The following GRID1 variants were observed in gnomAD, a reference collection of about 807,000 sequenced individuals.
GRID1 encodes glutamate receptor ionotropic, delta-1.
GRID1 carries 28 observed loss-of-function variants against 98.0 expected under a neutral mutation model. That is an observed-to-expected ratio of 0.29 (90% CI 0.21 to 0.39). The LOEUF (loss-of-function observed/expected upper bound fraction) is 0.39. Ranked by LOEUF, GRID1 falls within the 10% of genes least tolerant of loss-of-function variation. The probability of loss-of-function intolerance (pLI) is 1.00; values close to 1 mark genes in which losing one functional copy is unlikely to be tolerated. For synonymous variants in GRID1, 553 were observed against 538.5 expected, an observed-to-expected ratio of 1.03 and a Z score of -0.37; for missense variants, 1,111 against 1,340.5, an observed-to-expected ratio of 0.83 and a Z score of 2.67.
chr10:85,996,496 GAATC>G (rs1333203480), intron 4 of GRID1, among the ~76,000 whole-genome samples: 1 of 152,076 alleles, frequency 6.6e-6, no homozygotes, highest in Non-Finnish European at 1.5e-5. Flanking sequence ...ACAGAGGAAA[GAATC>G]AATAAACTTG....
intron 2 of GRID1, among the ~76,000 whole-genome samples, chr10:86,332,647 C>A (rs1848163567): frequency 6.6e-6 from 1 of 152,174 alleles, no homozygotes; most frequent in Non-Finnish European, 1.5e-5. Context: ...GGCTTCCTTC[C>A]CTGCCTTCCC....
chr10:85,937,209 T>C (rs1841938583), intron 4 of GRID1, among the ~76,000 whole-genome samples: 1 of 152,182 alleles, frequency 6.6e-6, no homozygotes, highest in Admixed American at 6.5e-5. Flanking sequence ...GGACAAGCAT[T>C]AGTACTTCTA....
At chr10:85,975,012 C>T (rs1368024636) in intron 4 of GRID1, among the ~76,000 whole-genome samples, 3 of 152,184 alleles carry the variant, frequency 2.0e-5, no homozygotes, top group African/African-American at 7.2e-5. Context: ...AATTGCCCTG[C>T]TTAAAATTCT....
chr10:86,157,070 T>C (rs1280608153), intron 3 of GRID1, among the ~76,000 whole-genome samples: 2 of 152,032 alleles, frequency 1.3e-5, no homozygotes, highest in African/African-American at 4.8e-5. Context: ...CTTGGAGGCT[T>C]CCAAACAGGA....
At chr10:85,776,102 G>A (rs1842328263) in intron 8 of GRID1, among the ~76,000 whole-genome samples, 1 of 152,072 alleles carries the variant, frequency 6.6e-6, no homozygotes, top group South Asian at 2.1e-4. Context: ...AGAGACTTGG[G>A]TTTGTGTCCC....
chr10:85,979,397 A>C (rs1037355675), intron 4 of GRID1, among the ~76,000 whole-genome samples: 7 of 152,154 alleles, frequency 4.6e-5, no homozygotes, highest in African/African-American at 7.2e-5. Flanking sequence ...TAGATCAAAC[A>C]ACACAAATGT....
intron 6 of GRID1, among the ~76,000 whole-genome samples, chr10:85,868,403 G>A (rs905180791): frequency 2.0e-5 from 3 of 152,146 alleles, no homozygotes; most frequent in African/African-American, 7.2e-5. Flanking sequence ...CCCAAGACAA[G>A]CTAGTGCCGA....
At chr10:85,852,893 C>T (rs756676586) in intron 8 of GRID1, among the ~76,000 whole-genome samples, 7 of 152,168 alleles carry the variant, frequency 4.6e-5, no homozygotes, top group Non-Finnish European at 8.8e-5. Flanking sequence ...TAGTTGCTAG[C>T]CGACTCCCTC....
intron 2 of GRID1, among the ~76,000 whole-genome samples, chr10:86,339,875 G>A (rs1848285465): frequency 6.6e-6 from 1 of 152,238 alleles, no homozygotes; most frequent in African/African-American, 2.4e-5. Flanking sequence ...ACTTGGGATA[G>A]AGGTGAACGA....
intron 8 of GRID1, among the ~76,000 whole-genome samples, chr10:85,819,583 T>C (rs1842744246): frequency 6.6e-6 from 1 of 152,172 alleles, no homozygotes; most frequent in African/African-American, 2.4e-5. Context: ...GGTGGTGTTC[T>C]TCCCCAAAAT....
At chr10:85,904,715 T>TAA (rs544729989) in intron 5 of GRID1, among the ~76,000 whole-genome samples, 2 of 140,394 alleles carry the variant, frequency 1.4e-5, no homozygotes, top group East Asian at 2.0e-4. Flanking sequence ...TGTATGAAAT[T>TAA]AAAAAAAAAA....
intron 2 of GRID1, among the ~76,000 whole-genome samples, chr10:86,282,563 G>A (rs1847371599): frequency 6.6e-6 from 1 of 152,188 alleles, no homozygotes; most frequent in Non-Finnish European, 1.5e-5. Flanking sequence ...GGGCTGTACT[G>A]GAGCAAGTTT....
At chr10:86,011,785 A>G (rs1204179936) in intron 4 of GRID1, among the ~76,000 whole-genome samples, 3 of 152,204 alleles carry the variant, frequency 2.0e-5, no homozygotes, top group Admixed American at 6.5e-5. Flanking sequence ...ACAGTGATGA[A>G]CTCTAAATGA....
At chr10:86,194,790 A>G (rs1166633826) in intron 3 of GRID1, among the ~76,000 whole-genome samples, 3 of 151,762 alleles carry the variant, frequency 2.0e-5, no homozygotes, top group African/African-American at 7.3e-5. Context: ...TCCTCACCCC[A>G]ACAGGACTGC....
At chr10:86,126,015 T>G (rs1564682726) in intron 4 of GRID1, among the ~76,000 whole-genome samples, 1 of 152,172 alleles carries the variant, frequency 6.6e-6, no homozygotes, top group African/African-American at 2.4e-5. Flanking sequence ...TTTGACTGCA[T>G]GGGGGGTTGG....
At chr10:85,932,600 C>G (rs1478425644) in intron 4 of GRID1, among the ~76,000 whole-genome samples, 1 of 152,216 alleles carries the variant, frequency 6.6e-6, no homozygotes, top group Admixed American at 6.5e-5. Context: ...ATTTGCAACA[C>G]TTTAACCCTT....
At chr10:86,208,741 T>C (rs1160528238) in intron 2 of GRID1, among the ~76,000 whole-genome samples, 1 of 152,194 alleles carries the variant, frequency 6.6e-6, no homozygotes, top group Non-Finnish European at 1.5e-5. Flanking sequence ...GCCTGCTGTG[T>C]TCACCATCCT....
At chr10:85,830,210 G>A (rs547596907) in intron 8 of GRID1, among the ~76,000 whole-genome samples, 149 of 152,042 alleles carry the variant, frequency 9.8e-4, no homozygotes, top group Non-Finnish European at 1.8e-3. Flanking sequence ...CAATGGGGGA[G>A]GGCCTTCCTA....
In GRID1 at chr10:86,217,403, T is replaced by C. The variant is rs140761865; in HGVS notation, c.236-10755A>G. ...AAAGTTTAGAATAACGTTTGTTACA[T>C]AGTAAGTGTTCAAAAAAGGATCAAC... On this transcript the variant is annotated intron_variant, in intron 2 of 15. Transcript: ENST00000327946. 6.7e-3 allele frequency among the ~76,000 whole-genome samples: 1,017 copies of C among 152,326 alleles called. 9 individuals are homozygous for C. The highest frequency in any genetic ancestry group is 0.011 in the Non-Finnish European group (755 of 68,020).
Sources: allele counts gnomAD v4.1 joint callset (sites outside exome capture counted in the v4.1 genomes callset), GRCh38; gene constraint gnomAD v4.1.1; transcripts MANE v1.5; gene names NCBI Gene and HGNC (gene_info 2026-07-23, HGNC 2026-07-21).